Variants in ADGRB3 observed in about 807,000 individuals in gnomAD.
ADGRB3 encodes the protein adhesion G protein-coupled receptor B3.
Under a neutral mutation model 193.4 loss-of-function variants are expected in ADGRB3, and 37 were observed. That is an observed-to-expected ratio of 0.19 (90% CI 0.15 to 0.25). The LOEUF is 0.25. ADGRB3 is among the 10% of genes least tolerant of loss of function. The pLI is 1.00. For synonymous variants in ADGRB3, 690 were observed against 644.2 expected (o/e 1.07, Z -1.08); for missense variants, 1,637 against 1,852.9 (o/e 0.88, Z 2.14).
intron 3 of ADGRB3, among the ~76,000 whole-genome samples, chr6:68,898,327 C>A (rs909288065): frequency 6.6e-6 from 1 of 152,082 alleles, no homozygotes; most frequent in South Asian, 2.1e-4. Context: ...TCAGCTAAGC[C>A]CTCAATGAAT....
chr6:68,665,493 T>C (rs1411541431), intron 3 of ADGRB3, among the ~76,000 whole-genome samples: 1 of 151,790 alleles, frequency 6.6e-6, no homozygotes, highest in Non-Finnish European at 1.5e-5. Flanking sequence ...ATAACTTGAA[T>C]ATCTCTGGAG....
intron 15 of ADGRB3, among the ~76,000 whole-genome samples, chr6:69,058,459 C>A (rs1328368291): frequency 6.6e-6 from 1 of 151,856 alleles, no homozygotes; most frequent in African/African-American, 2.4e-5. Flanking sequence ...CAGCTCTAAT[C>A]TTTATTATTA....
chr6:69,247,622 G>A (rs1343208125), intron 20 of ADGRB3, among the ~76,000 whole-genome samples: 1 of 152,086 alleles, frequency 6.6e-6, no homozygotes, highest in Non-Finnish European at 1.5e-5. Flanking sequence ...TACCTCTATT[G>A]TTAGCACCAA....
chr6:69,005,457 A>G (rs969173486), intron 11 of ADGRB3, among the ~76,000 whole-genome samples: 12 of 152,092 alleles, frequency 7.9e-5, no homozygotes, highest in Non-Finnish European at 4.4e-5. Context: ...ATTAGTATGA[A>G]AGACAATGAT....
Sources: allele counts gnomAD v4.1 joint callset (sites outside exome capture counted in the v4.1 genomes callset), GRCh38; gene constraint gnomAD v4.1.1; transcripts MANE v1.5; gene names NCBI Gene and HGNC (gene_info 2026-07-23, HGNC 2026-07-21).